Variants in DRG1 observed in about 807,000 individuals in gnomAD.
DRG1 encodes the protein developmentally-regulated GTP-binding protein 1.
DRG1 carries 19 observed loss-of-function variants against 38.8 expected under a neutral mutation model. The observed-to-expected ratio is 0.49, with a 90% confidence interval of 0.34 to 0.72. DRG1 has a LOEUF of 0.72. Among genes scored for constraint, DRG1 ranks in the 30% least tolerant of loss-of-function variants. DRG1 has a pLI of 0.01. For synonymous variants in DRG1, 167 were observed against 157.5 expected, an observed-to-expected ratio of 1.06 and a Z score of -0.45; for missense variants, 299 against 444.8, an observed-to-expected ratio of 0.67 and a Z score of 2.95.
intron 8 of DRG1, among the ~76,000 whole-genome samples, chr22:31,429,253 G>C (rs529601317): frequency 3.8e-4 from 58 of 152,076 alleles, no homozygotes; most frequent in African/African-American, 1.3e-3. Flanking sequence ...TGAGTAGCTG[G>C]TACTACAGGC....
At chr22:31,404,544 C>T (rs1001457163) in intron 3 of DRG1, among the ~76,000 whole-genome samples, 4 of 151,724 alleles carry the variant, frequency 2.6e-5, no homozygotes, top group African/African-American at 9.7e-5. Context: ...CTGGTCTCGC[C>T]TGCTTTAACT....
rs1321900001 is a variant in DRG1 at position 31,400,760 on chromosome 22, A to T, written c.166+17A>T. On this transcript the variant is annotated intron_variant, in intron 2 of 8. Transcript: ENST00000331457. The stretch of plus-strand genomic sequence containing the variant: ...CAGGAGAAGGTTTGTGTTCTTCTTC[A>T]ATATATATATTTTTAGGTATAATTT... 2 of 1,604,310 alleles carry T rather than the reference A, an allele frequency of 1.2e-6. No homozygotes were observed. The highest frequency in any genetic ancestry group is 2.2e-5 in the South Asian group (2 of 90,590).
intron 4 of DRG1, among the ~76,000 whole-genome samples, chr22:31,412,905 T>C (rs2050025633): frequency 6.6e-6 from 1 of 151,410 alleles, no homozygotes; most frequent in Non-Finnish European, 1.5e-5. Flanking sequence ...CTGGGTTGCC[T>C]TTTTTTTATT....
intron 3 of DRG1, among the ~76,000 whole-genome samples, chr22:31,407,003 A>T (rs950487131): frequency 6.6e-6 from 1 of 152,100 alleles, no homozygotes; most frequent in African/African-American, 2.4e-5. Context: ...GTTATTTTGT[A>T]TAATGTTCCT....
chr22:31,418,312 C>A (rs2145865756), intron 4 of DRG1, among the ~76,000 whole-genome samples: 1 of 151,982 alleles, frequency 6.6e-6, no homozygotes, highest in Admixed American at 6.6e-5. Flanking sequence ...AAAAAAATAG[C>A]CATGTGACAT....
intron 8 of DRG1, among the ~76,000 whole-genome samples, chr22:31,430,547 C>G (rs1457305646): frequency 6.6e-6 from 1 of 151,870 alleles, no homozygotes; most frequent in African/African-American, 2.4e-5. Flanking sequence ...CTACAGGCAC[C>G]CGCCACCACA....
In DRG1 at chr22:31,411,038, A is replaced by G. The variant is rs997408026; in HGVS notation, c.369A>G (p.Glu123=). Residue 123 remains glutamate, a synonymous_variant, in exon 4 of 9, where the codon GAA becomes GAG. Coordinates refer to ENST00000331457, the MANE Select transcript of DRG1 (RefSeq NM_004147.4). ...IQLLDLPGII[E]GAKDGKGRGR... is the part of the protein sequence containing the mutation. ...TCCTGGATCTCCCAGGTATCATTGA[A>G]GGTGCCAAGGATGGGAAAGGTAGAG... is the stretch of plus-strand genomic sequence containing the variant. 2.3e-5 allele frequency: 37 copies of G among 1,613,742 alleles called. No individual in the cohort carries two copies. The highest frequency in any genetic ancestry group is 3.1e-5 in the Non-Finnish European group (36 of 1,179,868).
Position 31,427,041 on chromosome 22 carries a change from T to C in DRG1, c.882-19T>C, listed in dbSNP as rs1371014381. 1.2e-6 allele frequency: 2 copies of C among 1,613,504 alleles called. No individual in the cohort carries two copies. The highest frequency in any genetic ancestry group is 2.2e-5 in the East Asian group (1 of 44,870). On this transcript the variant is annotated intron_variant, in intron 7 of 8. Coordinates refer to ENST00000331457, the MANE Select transcript of DRG1 (RefSeq NM_004147.4). ...GATAGTCTAAGAAGGCAGTAATCTTTATGCCCTCTCTATTCTAGTTACACC... is the reference window on the plus strand; with the variant it reads ...GATAGTCTAAGAAGGCAGTAATCTTCATGCCCTCTCTATTCTAGTTACACC...
chr22:31,419,176 G>T (rs1474864630), intron 4 of DRG1, among the ~76,000 whole-genome samples: 1 of 151,984 alleles, frequency 6.6e-6, no homozygotes, highest in African/African-American at 2.4e-5. Flanking sequence ...TGTGACTCAT[G>T]CCTGCAGTCT....
chr22:31,405,170 TTC>T (rs1491389926), intron 3 of DRG1, among the ~76,000 whole-genome samples: 1 of 151,150 alleles, frequency 6.6e-6, no homozygotes, highest in African/African-American at 2.4e-5. Flanking sequence ...TTAATAAATT[TTC>T]TTTTTTTTTT....
rs893929499 is a variant in DRG1, at chr22:31,409,127, C to T, written c.343-1885C>T. Among the ~76,000 whole-genome samples, 3 of 152,086 alleles carry T rather than the reference C, an allele frequency of 2.0e-5. No homozygotes were observed. In the East Asian group the frequency reaches 5.8e-4, roughly 29 times the overall value. On this transcript the variant is annotated intron_variant, in intron 3 of 8. Transcript: ENST00000331457. The stretch of plus-strand genomic sequence containing the variant: ...TATTATTTTTTGAGATGGAGTCTTA[C>T]TCTGTCGCCCAGGCTGGCATAATCT...
In DRG1 at chr22:31,423,674, G is replaced by A. The variant is rs143404863; in HGVS notation, c.713+264G>A. ...CCCGAGTAGCTAGGATTACAGGTGC[G>A]CACCACCACGCCCAGCTAATTTTTG... On this transcript the variant is annotated intron_variant, in intron 6 of 8. Transcript: ENST00000331457. Among the ~76,000 whole-genome samples the A allele has an allele frequency of 6.0e-3, 904 of 151,398 alleles. 10 individuals are homozygous for A. Among genetic ancestry groups the A allele is most frequent in the African/African-American group, 0.021 (864 of 41,248 alleles).
chr22:31,399,797 C>G, intron 1 of DRG1, 72 bp downstream of exon 1: 2 of 1,608,422 alleles, frequency 1.2e-6, no homozygotes, highest in Middle Eastern at 1.7e-4. Context: ...CCTTCCTGTT[C>G]TCCTTTGAGC....
intron 2 of DRG1, among the ~76,000 whole-genome samples, chr22:31,401,977 G>A (rs921357539): frequency 2.0e-5 from 3 of 151,954 alleles, no homozygotes; most frequent in Non-Finnish European, 4.4e-5. Context: ...CTTGAACCTG[G>A]GAGGTGGAAG....
chr22:31,430,551 C>T (rs1018471478), intron 8 of DRG1, among the ~76,000 whole-genome samples: 1 of 151,992 alleles, frequency 6.6e-6, no homozygotes, highest in South Asian at 2.1e-4. Flanking sequence ...AGGCACCCGC[C>T]ACCACACTCG....
chr22:31,403,243 ATTC>A (rs1457309382), intron 3 of DRG1, 39 bp downstream of exon 3: 1 of 1,556,484 alleles, frequency 6.4e-7, no homozygotes, highest in Non-Finnish European at 8.7e-7. Flanking sequence ...AAAGAAATCT[ATTC>A]TTCATTTAGG....
chr22:31,433,215 A>G (rs529871316), intron 8 of DRG1, among the ~76,000 whole-genome samples: 3 of 151,912 alleles, frequency 2.0e-5, no homozygotes, highest in African/African-American at 7.2e-5. Context: ...GTGATATTGT[A>G]TCTGTAAGAA....
At chr22:31,425,920 G>A in intron 6 of DRG1, among the ~76,000 whole-genome samples, 1 of 152,156 alleles carries the variant, frequency 6.6e-6, no homozygotes, top group East Asian at 1.9e-4. Flanking sequence ...TTACAAGTGA[G>A]GCAGTTAAAC....
intron 8 of DRG1, among the ~76,000 whole-genome samples, chr22:31,432,370 C>T (rs562456933): frequency 2.0e-5 from 3 of 151,390 alleles, no homozygotes; most frequent in East Asian, 3.9e-4. Flanking sequence ...CCATTTCCTT[C>T]ATGTCCTTGA....
Sources: gnomAD v4.1 joint callset for allele counts (sites outside exome capture counted in the v4.1 genomes callset) on GRCh38, gnomAD v4.1.1 for gene constraint, MANE v1.5 for transcripts, NCBI Gene and HGNC (gene_info 2026-07-23, HGNC 2026-07-21) for gene names.